The following ZNF385D variants were observed in gnomAD, a reference collection of about 807,000 sequenced individuals.
ZNF385D encodes the protein zinc finger protein 385D, also known as zinc finger protein 659.
A neutral mutation model predicts 35.8 loss-of-function variants in ZNF385D; 15 were observed. That is an observed-to-expected ratio of 0.42 (90% confidence interval 0.28 to 0.64). The LOEUF is 0.64. Among genes scored for constraint, ZNF385D ranks in the 30% least tolerant of loss-of-function variants. ZNF385D has a pLI of 0.23. For missense variants in ZNF385D, 474 were observed against 494.6 expected (o/e 0.96, Z 0.39); for synonymous variants, 212 against 186.8 (o/e 1.13, Z -1.10).
intron 4 of ZNF385D, among the ~76,000 whole-genome samples, chr3:21,468,419 A>AAT (rs1203102720): frequency 1.3e-5 from 2 of 151,136 alleles, no homozygotes; most frequent in East Asian, 3.9e-4. Context: ...AAAAAAAAAA[A>AAT]AAAAAGTATA....
At chr3:21,748,566 C>T (rs1186732680) in intron 1 of ZNF385D, among the ~76,000 whole-genome samples, 2 of 152,164 alleles carry the variant, frequency 1.3e-5, no homozygotes, top group Admixed American at 6.5e-5. Flanking sequence ...GGATTTGTGA[C>T]ATCTCTACCC....
At chr3:21,918,862 T>C (rs1288640065) in intron 3 of ZNF385D, among the ~76,000 whole-genome samples, 1 of 152,224 alleles carries the variant, frequency 6.6e-6, no homozygotes, top group East Asian at 1.9e-4. Flanking sequence ...TTTTAATCAA[T>C]GTCTTTATCT....
At chr3:22,271,246 C>A (rs917908272) in intron 2 of ZNF385D, among the ~76,000 whole-genome samples, 14 of 151,562 alleles carry the variant, frequency 9.2e-5, no homozygotes, top group Admixed American at 2.0e-4. Context: ...TTCTTCATAG[C>A]AGAAAAAAGG....
intron 3 of ZNF385D, among the ~76,000 whole-genome samples, chr3:22,091,174 T>A (rs1384420142): frequency 1.3e-5 from 2 of 152,156 alleles, no homozygotes; most frequent in African/African-American, 4.8e-5. Context: ...CTCTAACAAC[T>A]AACTTAACTT....
At chr3:21,964,425 AAAAAAAAG>A (rs1702770171) in intron 3 of ZNF385D, among the ~76,000 whole-genome samples, 7 of 91,178 alleles carry the variant, frequency 7.7e-5, no homozygotes, top group Non-Finnish European at 1.2e-4. Flanking sequence ...AAAAAAAAAA[AAAAAAAAG>A]AAAAAAAAAA....
intron 1 of ZNF385D, among the ~76,000 whole-genome samples, chr3:21,722,527 C>T (rs4858010): frequency 0.17 from 25,741 of 152,218 alleles, 2,644 homozygotes; most frequent in Admixed American, 0.3. Flanking sequence ...GAGGAAGTTG[C>T]AAGTTGGTTG....
chr3:22,291,419 A>G (rs1001659141), intron 2 of ZNF385D, among the ~76,000 whole-genome samples: 2 of 152,084 alleles, frequency 1.3e-5, no homozygotes, highest in Non-Finnish European at 2.9e-5. Flanking sequence ...TTCAAGGTAC[A>G]TTAATTAATA....
chr3:22,351,068 A>G (rs933375533), intron 2 of ZNF385D, among the ~76,000 whole-genome samples: 35 of 152,258 alleles, frequency 2.3e-4, no homozygotes, highest in Middle Eastern at 3.4e-3. Flanking sequence ...GTAAAGGACA[A>G]TTCACATTGG....
intron 4 of ZNF385D, among the ~76,000 whole-genome samples, chr3:21,466,527 A>G (rs1703528240): frequency 6.6e-6 from 1 of 152,136 alleles, no homozygotes; most frequent in South Asian, 2.1e-4. Context: ...TACTATTACT[A>G]AAGCATATAT....
chr3:21,874,820 A>C (rs1697879019), intron 3 of ZNF385D, among the ~76,000 whole-genome samples: 1 of 152,098 alleles, frequency 6.6e-6, no homozygotes, highest in Non-Finnish European at 1.5e-5. Context: ...TGCTTTGGGA[A>C]GTGTGGACAT....
At chr3:22,229,937 A>G (rs1045638599) in intron 2 of ZNF385D, among the ~76,000 whole-genome samples, 10 of 152,180 alleles carry the variant, frequency 6.6e-5, no homozygotes, top group African/African-American at 2.4e-4. Flanking sequence ...TTTGTAGCGC[A>G]TAATCCACTT....
chr3:21,604,716 G>A (rs1227735329), intron 2 of ZNF385D, among the ~76,000 whole-genome samples: 2 of 152,126 alleles, frequency 1.3e-5, no homozygotes, highest in Admixed American at 6.5e-5. Flanking sequence ...AGGAAACTAG[G>A]TTGTAAGAGT....
At chr3:21,822,655 A>G (rs1694339198) in intron 3 of ZNF385D, among the ~76,000 whole-genome samples, 1 of 152,216 alleles carries the variant, frequency 6.6e-6, no homozygotes, top group Admixed American at 6.5e-5. Flanking sequence ...TGGCATTATT[A>G]AAGATCATAC....
rs2067356311 is a variant in ZNF385D, at chr3:21,693,620, T to TA, written c.23-28593dup. On this transcript the variant is annotated intron_variant, in intron 1 of 7. Transcript: ENST00000281523. ...GATGGGATACCAAGAGGAATCATGC[T>TA]AAAATTCATAAACCAAAAAAGTATA... 2.0e-5 allele frequency among the ~76,000 whole-genome samples: 3 copies of TA among 152,310 alleles called. No homozygotes were observed. The South Asian group carries it at 6.2e-4, about 32-fold the overall frequency.
intron 3 of ZNF385D, among the ~76,000 whole-genome samples, chr3:22,092,802 AG>A (rs1701401342): frequency 6.6e-6 from 1 of 152,080 alleles, no homozygotes; most frequent in Non-Finnish European, 1.5e-5. Flanking sequence ...TACCTCTTAC[AG>A]TTTTGATATT....
chr3:21,437,039 GT>G lies in ZNF385D; in HGVS notation c.603del (p.Lys201AsnfsTer32). On this transcript the variant is annotated frameshift_variant, in exon 5 of 8. Transcript: ENST00000281523. LOFTEE classifies it high-confidence loss of function. ...TTGCATAGCGAACAGTAAAGAAGCCGTTTTGCCTTTTCTTCCTCGGTCTCAG... is the reference window on the plus strand; with the variant it reads ...TTGCATAGCGAACAGTAAAGAAGCCGTTTGCCTTTTCTTCCTCGGTCTCAG... ...PSTETEEEKA[K>X]RLLYCSLCKV... 1 of 1,613,962 alleles carries G rather than the reference GT, an allele frequency of 6.2e-7. No homozygotes were observed.
intron 1 of ZNF385D, among the ~76,000 whole-genome samples, chr3:21,704,570 G>T (rs1479481229): frequency 3.3e-5 from 5 of 152,066 alleles, no homozygotes; most frequent in African/African-American, 1.2e-4. Flanking sequence ...GTGCAGTGGT[G>T]TGATCTCGGC....
At chr3:21,459,097 T>C (rs570162969) in intron 4 of ZNF385D, among the ~76,000 whole-genome samples, 1 of 152,240 alleles carries the variant, frequency 6.6e-6, no homozygotes, top group African/African-American at 2.4e-5. Context: ...TATGAAATGT[T>C]AACTCATATG....
intron 1 of ZNF385D, among the ~76,000 whole-genome samples, chr3:21,699,481 G>A (rs1371125185): frequency 1.3e-5 from 2 of 151,676 alleles, no homozygotes; most frequent in African/African-American, 4.8e-5. Flanking sequence ...AGAACTTAAA[G>A]TATAATAATA....
Sources: allele counts gnomAD v4.1 joint callset (sites outside exome capture counted in the v4.1 genomes callset), GRCh38; gene constraint gnomAD v4.1.1; transcripts MANE v1.5; gene names NCBI Gene and HGNC (gene_info 2026-07-23, HGNC 2026-07-21).